CARM1: variants seen among roughly 807,000 people sequenced by gnomAD.
The protein encoded by CARM1 is coactivator associated arginine methyltransferase 1.
A neutral mutation model predicts 72.7 loss-of-function variants in CARM1; 14 were observed. The ratio of observed to expected loss-of-function variants is 0.19; its 90% CI spans 0.13 to 0.30. CARM1 has a LOEUF of 0.30. Ranked by LOEUF, CARM1 falls within the 10% of genes least tolerant of loss-of-function variation. The probability of loss-of-function intolerance (pLI) is 1.00; values close to 1 mark genes in which losing one functional copy is unlikely to be tolerated. For missense variants in CARM1, 432 were observed against 833.7 expected, an observed-to-expected ratio of 0.52 and a Z score of 5.93; for synonymous variants, 333 against 345.5, an observed-to-expected ratio of 0.96 and a Z score of 0.40.
intron 1 of CARM1, among the ~76,000 whole-genome samples, chr19:10,887,431 G>A (rs1599689154): frequency 6.6e-6 from 1 of 152,214 alleles, no homozygotes; most frequent in African/African-American, 2.4e-5. Context: ...TGCAGGTCCT[G>A]GGGCGGAAGG....
chr19:10,873,354 C>G (rs2073834767), intron 1 of CARM1, among the ~76,000 whole-genome samples: 1 of 151,890 alleles, frequency 6.6e-6, no homozygotes. Flanking sequence ...CTTTGGGAGG[C>G]TAAGCACTTT....
intron 1 of CARM1, among the ~76,000 whole-genome samples, chr19:10,887,969 G>C (rs2073953862): frequency 6.6e-6 from 1 of 152,226 alleles, no homozygotes; most frequent in Non-Finnish European, 1.5e-5. Flanking sequence ...TTGGCAATGA[G>C]AGCCAGGGTG....
chr19:10,876,576 G>T (rs986404863), intron 1 of CARM1, among the ~76,000 whole-genome samples: 1 of 152,354 alleles, frequency 6.6e-6, no homozygotes, highest in East Asian at 1.9e-4. Context: ...GCTGCAGAAG[G>T]GCCTGTCTCT....
chr19:10,912,820 G>A lies in CARM1; in HGVS notation c.669+526G>A, dbSNP rs761555077. On this transcript the variant is annotated intron_variant, in intron 5 of 15. Coordinates refer to ENST00000327064, the MANE Select transcript of CARM1 (RefSeq NM_199141.2). This position sits in a 1 kb window ranked among gnomAD's most constrained non-coding sequence, Gnocchi z 4.5. ...GAGCACCCCTGTGCCCAGCCGTGCCGCTGTTGCTTTAGCTGCATTGTGTCC... is the reference window on the plus strand; with the variant it reads ...GAGCACCCCTGTGCCCAGCCGTGCCACTGTTGCTTTAGCTGCATTGTGTCC... 6.6e-6 allele frequency among the ~76,000 whole-genome samples: 1 copy of A among 152,142 alleles called. No individual in the cohort carries two copies. The highest frequency in any genetic ancestry group is 1.5e-5 in the Non-Finnish European group (1 of 68,018).
In CARM1 at chr19:10,890,828, T is replaced by C. The variant is rs75489528; in HGVS notation, c.221-14123T>C. On this transcript the variant is annotated intron_variant, in intron 1 of 15. Transcript: ENST00000327064. ...TTTTTTTTTTTTTTTTTTCTTGGTA[T>C]AGCTCTATCCTTCCTGAAGTCCCAG... is the stretch of plus-strand genomic sequence containing the variant. 0.029 allele frequency among the ~76,000 whole-genome samples: 3,762 copies of C among 131,528 alleles called. 322 individuals carry two copies. The East Asian group carries it at 0.34, about 12-fold the overall frequency. 86.3% of individuals were successfully genotyped at this position (131,528 alleles called of 152,430 possible).
At chr19:10,902,389 G>T (rs996412258) in intron 1 of CARM1, among the ~76,000 whole-genome samples, 2 of 150,126 alleles carry the variant, frequency 1.3e-5, no homozygotes, top group African/African-American at 4.9e-5. Context: ...CACCTCCCGG[G>T]TTCACACCAT....
At position 10,911,662 on chromosome 19, in the gene CARM1, T is replaced by C. The variant is rs147910398; in HGVS notation, c.559-522T>C. ...AGCAATCCCACAAATCCAGAACAGG[T>C]GGTGTGTTCTCCCAGACCCTGGCCT... On this transcript the variant is annotated intron_variant, in intron 4 of 15. Transcript: ENST00000327064. 1.3e-3 allele frequency among the ~76,000 whole-genome samples: 201 copies of C among 152,230 alleles called. 2 individuals are homozygous for C. Among genetic ancestry groups the C allele is most frequent in the African/African-American group, 4.5e-3 (188 of 41,544 alleles).
At chr19:10,874,733 G>T (rs2146294671) in intron 1 of CARM1, among the ~76,000 whole-genome samples, 1 of 152,170 alleles carries the variant, frequency 6.6e-6, no homozygotes, top group South Asian at 2.1e-4. Flanking sequence ...AAAAAACATG[G>T]GTTCTTGGCC....
chr19:10,885,918 A>G (rs1234346552), intron 1 of CARM1, among the ~76,000 whole-genome samples: 2 of 134,538 alleles, frequency 1.5e-5, no homozygotes, highest in African/African-American at 2.7e-5. Flanking sequence ...TTTTTTTGAG[A>G]CAGGGAGTGC....
At position 10,915,656 on chromosome 19, in the gene CARM1, A is replaced by T. The variant is rs1568356032; in HGVS notation, c.848-751A>T. On this transcript the variant is annotated intron_variant, in intron 6 of 15. Coordinates refer to ENST00000327064, the MANE Select transcript of CARM1 (RefSeq NM_199141.2). The surrounding 1 kb of genome is among the most constrained non-coding windows in gnomAD (Gnocchi z 4.6). The stretch of plus-strand genomic sequence containing the variant: ...GGTACAGCCTGGTGGCGTAAGGAGG[A>T]GGCAGAGTCCCACTGATACCTCAGG... Among the ~76,000 whole-genome samples, 1 of 152,014 alleles carries T rather than the reference A, an allele frequency of 6.6e-6. No individual in the cohort carries two copies. The highest frequency in any genetic ancestry group is 1.5e-5 in the Non-Finnish European group (1 of 67,972).
At chr19:10,902,839 G>A (rs540988837) in intron 1 of CARM1, among the ~76,000 whole-genome samples, 1 of 151,988 alleles carries the variant, frequency 6.6e-6, no homozygotes, top group East Asian at 1.9e-4. Flanking sequence ...CAAACTCCTG[G>A]GTTCTAGTAA....
At chr19:10,919,457 G>T in intron 8 of CARM1, 138 bp from the exon 9 acceptor site, 1 of 651,166 alleles carries the variant, frequency 1.5e-6, no homozygotes, top group East Asian at 2.6e-5. Flanking sequence ...CCCTCCTCAC[G>T]GCGTGTCTGG....
rs1358187198 is a variant in CARM1, at chr19:10,920,827, G to T, written c.1425-7G>T. Reference sequence around the variant, plus strand: ...TGCCCCTGCCCATGGCTCTGTCTCTGCCATAGATACACGGGCACAACGCCC... The same window carrying T: ...TGCCCCTGCCCATGGCTCTGTCTCTTCCATAGATACACGGGCACAACGCCC... On this transcript the variant is annotated splice_polypyrimidine_tract_variant and splice_region_variant and intron_variant, in intron 12 of 15. Transcript: ENST00000327064. The surrounding 1 kb of genome is among the most constrained non-coding windows in gnomAD (Gnocchi z 5.3). The T allele has an allele frequency of 6.2e-7, 1 of 1,614,132 alleles. No homozygotes were observed. The highest frequency in any genetic ancestry group is 1.7e-5 in the Admixed American group (1 of 60,028).
chr19:10,900,215 G>A (rs1042827056), intron 1 of CARM1, among the ~76,000 whole-genome samples: 3 of 152,308 alleles, frequency 2.0e-5, no homozygotes, highest in Non-Finnish European at 4.4e-5. Context: ...GGGAGGCTGA[G>A]GTGGGAGGAT....
At chr19:10,874,517 C>A (rs919695997) in intron 1 of CARM1, among the ~76,000 whole-genome samples, 1 of 152,036 alleles carries the variant, frequency 6.6e-6, no homozygotes, top group Non-Finnish European at 1.5e-5. Flanking sequence ...CTCAGCCTCC[C>A]TAGTAGCTGG....
chr19:10,893,287 T>C (rs1394239489), intron 1 of CARM1, among the ~76,000 whole-genome samples: 1 of 152,138 alleles, frequency 6.6e-6, no homozygotes, highest in East Asian at 1.9e-4. Flanking sequence ...TCCACCTGCT[T>C]CGGCCTCCCA....
chr19:10,920,983 G>A lies in CARM1; in HGVS notation c.1537+37G>A. The A allele has an allele frequency of 6.2e-7, 1 of 1,613,140 alleles. No individual in the cohort carries two copies. The highest frequency in any genetic ancestry group is 8.5e-7 in the Non-Finnish European group (1 of 1,179,148). ...CCACCCCAATGCCCAGCCAACCCGG[G>A]AGGCCGCCCTCGCCGCAGGCCTGGC... On this transcript the variant is annotated intron_variant, in intron 13 of 15. Coordinates refer to ENST00000327064, the MANE Select transcript of CARM1 (RefSeq NM_199141.2). The surrounding 1 kb of genome is among the most constrained non-coding windows in gnomAD (Gnocchi z 5.3).
At chr19:10,909,385 T>G (rs547844605) in intron 4 of CARM1, among the ~76,000 whole-genome samples, 178 bp downstream of exon 4, 1 of 152,126 alleles carries the variant, frequency 6.6e-6, no homozygotes, top group East Asian at 1.9e-4. Flanking sequence ...AAGCTATGAT[T>G]CTGCCACTGC....
At chr19:10,883,120 A>G (rs915308713) in intron 1 of CARM1, among the ~76,000 whole-genome samples, 1 of 152,122 alleles carries the variant, frequency 6.6e-6, no homozygotes, top group East Asian at 1.9e-4. Flanking sequence ...ATTAGCACAC[A>G]TGGGAGCCTC....
Sources: allele counts gnomAD v4.1 joint callset (sites outside exome capture counted in the v4.1 genomes callset), GRCh38; gene constraint gnomAD v4.1.1; non-coding constraint Gnocchi (gnomAD v3.1); transcripts MANE v1.5; gene names NCBI Gene and HGNC (gene_info 2026-07-23, HGNC 2026-07-21).